PARD3B: variants seen among roughly 807,000 people sequenced by gnomAD.
The protein encoded by PARD3B is partitioning defective 3 homolog B.
PARD3B carries 103 observed loss-of-function variants against 130.2 expected under a neutral mutation model. The ratio of observed to expected loss-of-function variants is 0.79; its 90% CI spans 0.67 to 0.93. The LOEUF (loss-of-function observed/expected upper bound fraction) is 0.93, where lower values mean the gene tolerates loss of function less well. PARD3B is among the 40% of genes least tolerant of loss of function. The probability of loss-of-function intolerance (pLI) is 0.00; values close to 1 mark genes in which losing one functional copy is unlikely to be tolerated. For missense variants in PARD3B, 1,609 were observed against 1,499.2 expected, an observed-to-expected ratio of 1.07 and a Z score of -1.21; for synonymous variants, 583 against 553.2, an observed-to-expected ratio of 1.05 and a Z score of -0.76.
At chr2:205,456,794 T>G (rs181220873) in intron 20 of PARD3B, among the ~76,000 whole-genome samples, 1,818 of 150,224 alleles carry the variant, frequency 0.012, 23 homozygotes, top group Middle Eastern at 0.017. Context: ...AATGTAGTCA[T>G]AGTATGTAAC....
At chr2:204,770,359 T>C (rs2041311323) in intron 2 of PARD3B, among the ~76,000 whole-genome samples, 1 of 137,306 alleles carries the variant, frequency 7.3e-6, no homozygotes, top group Non-Finnish European at 1.6e-5. Context: ...TGCACTGTGG[T>C]CTGAGAGATA....
chr2:205,299,364 T>TTAATAGGTAC (rs1490246552), intron 16 of PARD3B, among the ~76,000 whole-genome samples: 1 of 152,140 alleles, frequency 6.6e-6, no homozygotes, highest in Non-Finnish European at 1.5e-5. Flanking sequence ...TACATAATTC[T>TTAATAGGTAC]TAATAGGTAC....
At chr2:204,884,636 G>A (rs2046204358) in intron 2 of PARD3B, among the ~76,000 whole-genome samples, 1 of 152,094 alleles carries the variant, frequency 6.6e-6, no homozygotes, top group Non-Finnish European at 1.5e-5. Flanking sequence ...AGGCCCCAGT[G>A]TGTGTTGTTC....
intron 21 of PARD3B, among the ~76,000 whole-genome samples, chr2:205,500,433 T>G (rs751060118): frequency 6.6e-6 from 1 of 152,190 alleles, no homozygotes; most frequent in Non-Finnish European, 1.5e-5. Context: ...GTCAGTTGTT[T>G]GTTTATTGGA....
At chr2:204,993,879 A>T (rs1693925614) in intron 3 of PARD3B, among the ~76,000 whole-genome samples, 1 of 151,640 alleles carries the variant, frequency 6.6e-6, no homozygotes, top group African/African-American at 2.4e-5. Context: ...AGGTGTTTGT[A>T]GTATTCTCTG....
At position 204,669,281 on chromosome 2, in the gene PARD3B, T is replaced by C. The variant is rs972233766; in HGVS notation, c.121-16900T>C. 6.6e-6 allele frequency among the ~76,000 whole-genome samples: 1 copy of C among 152,178 alleles called. No individual in the cohort carries two copies. Among genetic ancestry groups the C allele is most frequent in the Non-Finnish European group, 1.5e-5 (1 of 68,026 alleles). The stretch of plus-strand genomic sequence containing the variant: ...TTTTTCCTAGAAGAGTTAGCCTATT[T>C]TTACTTTATAGGATCAAGGGCAACC... On this transcript the variant is annotated intron_variant, in intron 1 of 22. Coordinates refer to ENST00000406610, the MANE Select transcript of PARD3B (RefSeq NM_001302769.2). The surrounding 1 kb of genome is among the most constrained non-coding windows in gnomAD (Gnocchi z 4.3).
chr2:204,762,116 ATTTTTTTT>A (rs968166780), intron 2 of PARD3B, among the ~76,000 whole-genome samples: 5 of 95,378 alleles, frequency 5.2e-5, no homozygotes, highest in Admixed American at 1.3e-4. Flanking sequence ...TTCTTTTTCT[ATTTTTTTT>A]TTTTTTTTTT....
chr2:205,178,694 TA>T (rs1303509311), intron 13 of PARD3B, among the ~76,000 whole-genome samples: 2 of 152,264 alleles, frequency 1.3e-5, no homozygotes, highest in East Asian at 3.9e-4. Flanking sequence ...GTCTAGAGTT[TA>T]ATTCCTAGTT....
rs1018276263 is a variant in PARD3B at position 205,158,464 on chromosome 2, G to A, written c.1435-258G>A. On this transcript the variant is annotated intron_variant, in intron 10 of 22. Transcript: ENST00000406610. This position sits in a 1 kb window ranked among gnomAD's most constrained non-coding sequence, Gnocchi z 5.4. ...CTTGCGAGGTGTTTCAGATTGCATC[G>A]CTCTGACTTGCCAAACGATCCTCTC... Among the ~76,000 whole-genome samples, 4 of 152,002 alleles carry A rather than the reference G, an allele frequency of 2.6e-5. No homozygotes were observed. The highest frequency in any genetic ancestry group is 5.9e-5 in the Non-Finnish European group (4 of 67,996).
chr2:204,985,911 G>T (rs1250120214), intron 3 of PARD3B, among the ~76,000 whole-genome samples: 2 of 151,850 alleles, frequency 1.3e-5, no homozygotes, highest in Non-Finnish European at 2.9e-5. Context: ...GACCAGCCTG[G>T]CAACATGGTG....
chr2:204,780,591 C>T (rs1438182885), intron 2 of PARD3B, among the ~76,000 whole-genome samples: 1 of 152,172 alleles, frequency 6.6e-6, no homozygotes, highest in Admixed American at 6.6e-5. Flanking sequence ...CACAAACAAT[C>T]TCTTTTTCCC....
At chr2:204,782,550 A>G (rs1386923930) in intron 2 of PARD3B, among the ~76,000 whole-genome samples, 1 of 150,590 alleles carries the variant, frequency 6.6e-6, no homozygotes, top group African/African-American at 2.4e-5. Flanking sequence ...TATATGTAAT[A>G]TATATAAAAT....
At chr2:205,552,124 G>A (rs10206532) in intron 21 of PARD3B, among the ~76,000 whole-genome samples, 132,751 of 152,228 alleles carry the variant, frequency 0.87, 60,251 homozygotes, top group Non-Finnish European at 0.99. Flanking sequence ...ACACAGTATT[G>A]AAAACCTACT....
chr2:204,597,051 T>C (rs1273555861), intron 1 of PARD3B, among the ~76,000 whole-genome samples: 1 of 152,106 alleles, frequency 6.6e-6, no homozygotes, highest in Non-Finnish European at 1.5e-5. Context: ...CTCTAAATTG[T>C]GTAAAGGCAG....
rs115103476 is a variant in PARD3B at position 205,226,035 on chromosome 2, C to T, written c.2141-19743C>T. On this transcript the variant is annotated intron_variant, in intron 15 of 22. Coordinates refer to ENST00000406610, the MANE Select transcript of PARD3B (RefSeq NM_001302769.2). ...TATGAGACGAATTCTCATTCTGTCACCCAGGCTAGAGTGCAATGGCACGAT... is the reference window on the plus strand; with the variant it reads ...TATGAGACGAATTCTCATTCTGTCATCCAGGCTAGAGTGCAATGGCACGAT... Among the ~76,000 whole-genome samples the T allele has an allele frequency of 4.1e-3, 624 of 152,296 alleles. 3 individuals are homozygous for T. The highest frequency in any genetic ancestry group is 0.014 in the African/African-American group (592 of 41,546).
chr2:205,531,762 C>T (rs1305981698), intron 21 of PARD3B, among the ~76,000 whole-genome samples: 5 of 152,072 alleles, frequency 3.3e-5, no homozygotes, highest in African/African-American at 7.2e-5. Context: ...GATTAGGGAA[C>T]ATTTAATTGC....
intron 22 of PARD3B, among the ~76,000 whole-genome samples, chr2:205,554,970 A>G (rs2052813856): frequency 6.9e-6 from 1 of 144,968 alleles, no homozygotes; most frequent in African/African-American, 2.5e-5. Flanking sequence ...CCCCCAAGGA[A>G]TGGGGAATCA....
intron 2 of PARD3B, among the ~76,000 whole-genome samples, chr2:204,819,696 G>T (rs1232879913): frequency 6.6e-6 from 1 of 152,128 alleles, no homozygotes; most frequent in Non-Finnish European, 1.5e-5. Flanking sequence ...CATAGATAAA[G>T]TTCTCGAAGG....
rs1004131908 is a variant in PARD3B at position 204,610,045 on chromosome 2, C to T, written c.120+63926C>T. On this transcript the variant is annotated intron_variant, in intron 1 of 22. Coordinates refer to ENST00000406610, the MANE Select transcript of PARD3B (RefSeq NM_001302769.2). The surrounding 1 kb of genome is among the most constrained non-coding windows in gnomAD (Gnocchi z 4.1). ...AACTTGGTGTCTTATTGCCACAAAG[C>T]GTCTGTTTTTTCAGTCTTATGATGC... 1.3e-5 allele frequency among the ~76,000 whole-genome samples: 2 copies of T among 152,026 alleles called. No individual in the cohort carries two copies. Among genetic ancestry groups the T allele is most frequent in the African/African-American group, 4.8e-5 (2 of 41,384 alleles).
Sources: allele counts gnomAD v4.1 joint callset (sites outside exome capture counted in the v4.1 genomes callset), GRCh38; gene constraint gnomAD v4.1.1; non-coding constraint Gnocchi (gnomAD v3.1); transcripts MANE v1.5; gene names NCBI Gene and HGNC (gene_info 2026-07-23, HGNC 2026-07-21).